ACAN: variants seen among roughly 807,000 people sequenced by gnomAD.
ACAN encodes the protein aggrecan core protein.
A neutral mutation model predicts 169.1 loss-of-function variants in ACAN; 47 were observed. The ratio of observed to expected loss-of-function variants is 0.28; its 90% confidence interval spans 0.22 to 0.35. ACAN has a LOEUF of 0.35. Ranked by LOEUF, ACAN falls within the 10% of genes least tolerant of loss-of-function variation. ACAN has a pLI of 1.00. For synonymous variants in ACAN, 1,115 were observed against 1,112.2 expected (o/e 1.00, Z -0.05); for missense variants, 2,716 against 2,759.9 (o/e 0.98, Z 0.36).
Position 88,874,123 on chromosome 15 carries a change from G to T in ACAN, c.7630+99G>T. 1 of 1,502,126 alleles carries T rather than the reference G, an allele frequency of 6.7e-7. No homozygotes were observed. 93.0% of individuals were successfully genotyped at this position (1,502,126 alleles called of 1,614,324 possible). A position where few individuals can be genotyped will look rare whatever the true frequency, so the allele number is the denominator to read the frequency against. ...TCCTGGGGACCCTACACCGTCCACA[G>T]GGTTGAGCAAGGGAAGGGAGGTCGG... is the stretch of plus-strand genomic sequence containing the variant. On this transcript the variant is annotated intron_variant, in intron 18 of 18. Transcript: ENST00000560601. This position sits in a 1 kb window ranked among gnomAD's most constrained non-coding sequence, Gnocchi z 7.3.
At position 88,841,794 on chromosome 15, in the gene ACAN, T is replaced by C; in HGVS notation, c.684T>C (p.Pro228=). 1 of 1,613,464 alleles carries C rather than the reference T, an allele frequency of 6.2e-7. No homozygotes were observed. Among genetic ancestry groups the C allele is most frequent in the East Asian group, 2.2e-5 (1 of 44,842 alleles). ...GCTATGGAGACAAGGATGAGTTTCCTGGTGTGAGGACGTATGGCATCCGAG... is the reference window on the plus strand; with the variant it reads ...GCTATGGAGACAAGGATGAGTTTCCCGGTGTGAGGACGTATGGCATCCGAG... The part of the protein sequence containing the change: ...EGCYGDKDEF[P]GVRTYGIRDT... The change falls in exon 5 of 19, where the codon CCT becomes CCC. Residue 228 remains proline, a synonymous_variant. Transcript: ENST00000560601.
rs374286796 is a variant in ACAN, at chr15:88,845,709, C to T, written c.1256C>T (p.Thr419Met). The change falls in exon 7 of 19, where the codon ACG becomes ATG. Residue 419 changes from threonine (T) to methionine (M), a missense_variant. By Grantham distance (81) the Thr-to-Met change is moderately conservative. Coordinates refer to ENST00000560601, the MANE Select transcript of ACAN (RefSeq NM_001369268.1). ...CCCCTGGAACCCGAGGAGCCCTTCA[C>T]GTTTGCCCCTGAAATAGGGGCCACT... ...PSPLEPEEPF[T>M]FAPEIGATAF... 1.0e-4 allele frequency: 163 copies of T among 1,613,864 alleles called. No individual in the cohort carries two copies. Among genetic ancestry groups the T allele is most frequent in the Non-Finnish European group, 1.3e-4 (152 of 1,179,892 alleles).
At position 88,857,214 on chromosome 15, in the gene ACAN, G is replaced by A. The variant is rs564415560; in HGVS notation, c.4629G>A (p.Gly1543=). 8.1e-6 allele frequency: 13 copies of A among 1,613,686 alleles called. No individual in the cohort carries two copies. In the African/African-American group the frequency reaches 1.2e-4, roughly 15 times the overall value. Residue 1543 remains glycine (G), a synonymous_variant, in exon 12 of 19, where the codon GGG becomes GGA. Transcript: ENST00000560601. ...TAGAGATTTCTGCCTCTGGATTTGGGGACCTCAGTGGACTTCCTTCTGGAG... is the reference window on the plus strand; with the variant it reads ...TAGAGATTTCTGCCTCTGGATTTGGAGACCTCAGTGGACTTCCTTCTGGAG... ...EVLEISASGF[G]DLSGLPSGGE...
chr15:88,830,612 GTATCTAAACC>G (rs1420858824), intron 1 of ACAN, among the ~76,000 whole-genome samples: 1 of 151,998 alleles, frequency 6.6e-6, no homozygotes, highest in African/African-American at 2.4e-5. Context: ...TTCCCTCTGT[GTATCTAAACC>G]TATCTAAACC....
chr15:88,840,420 T>A (rs2141567808), intron 4 of ACAN, among the ~76,000 whole-genome samples: 1 of 152,352 alleles, frequency 6.6e-6, no homozygotes, highest in East Asian at 1.9e-4. Context: ...CTAGCAACCT[T>A]GCCCTACATG....
Position 88,874,160 on chromosome 15 carries a change from G to A in ACAN, c.7630+136G>A. On this transcript the variant is annotated intron_variant, in intron 18 of 18. Transcript: ENST00000560601. This position sits in a 1 kb window ranked among gnomAD's most constrained non-coding sequence, Gnocchi z 7.3. The stretch of plus-strand genomic sequence containing the variant: ...GGAAGGGAGGTCGGGGGGCTGCTCA[G>A]TCACAAATAGCTGACCACTGCCCTT... 2 of 1,256,588 alleles carry A rather than the reference G, an allele frequency of 1.6e-6. No individual in the cohort carries two copies. The highest frequency in any genetic ancestry group is 2.2e-6 in the Non-Finnish European group (2 of 893,950). 77.8% of individuals were successfully genotyped at this position (1,256,588 alleles called of 1,614,324 possible).
rs1391473272 is a variant in ACAN, at chr15:88,839,409, C to T, written c.454+363C>T. Among the ~76,000 whole-genome samples the T allele has an allele frequency of 6.6e-6, 1 of 152,198 alleles. No individual in the cohort carries two copies. Among genetic ancestry groups the T allele is most frequent in the African/African-American group, 2.4e-5 (1 of 41,450 alleles). ...TCAGAGCAGTCTCCTGACAGTTCAT[C>T]CTGGTGTCTTTTCCCTCCCCCTCTC... On this transcript the variant is annotated intron_variant, in intron 3 of 18. Coordinates refer to ENST00000560601, the MANE Select transcript of ACAN (RefSeq NM_001369268.1). This position sits in a 1 kb window ranked among gnomAD's most constrained non-coding sequence, Gnocchi z 4.5.
chr15:88,817,885 G>A (rs1596115534), intron 1 of ACAN, among the ~76,000 whole-genome samples: 11 of 146,220 alleles, frequency 7.5e-5, no homozygotes, highest in African/African-American at 7.6e-5. Flanking sequence ...AAAGGGAAAA[G>A]GAAAAAAAAG....
chr15:88,854,950 C>A lies in ACAN; in HGVS notation c.2365C>A (p.Pro789Thr). ...EVPSASEEPSPSEVPFPSEEP... is the reference protein window; with the variant it reads ...EVPSASEEPSTSEVPFPSEEP... ...GCCCTCTGCCTCAGAGGAACCATCC[C>A]CCTCAGAGGTGCCATTCCCCTCAGA... Residue 789 changes from proline (P) to threonine (T), a missense_variant, in exon 12 of 19, where the codon CCC becomes ACC. Physicochemically the swap from Pro to Thr is conservative, Grantham distance 38. Transcript: ENST00000560601. The A allele has an allele frequency of 6.3e-7, 1 of 1,595,646 alleles. No homozygotes were observed. Among genetic ancestry groups the A allele is most frequent in the East Asian group, 2.3e-5 (1 of 44,330 alleles).
At chr15:88,806,019 G>A (rs764659109) in intron 1 of ACAN, among the ~76,000 whole-genome samples, 39 of 152,192 alleles carry the variant, frequency 2.6e-4, no homozygotes, top group Non-Finnish European at 5.3e-4. Context: ...AGCCAGGAGG[G>A]TGGACAGCCT....
At position 88,857,278 on chromosome 15, in the gene ACAN, G is replaced by T; in HGVS notation, c.4693G>T (p.Asp1565Tyr). 1 of 1,613,566 alleles carries T rather than the reference G, an allele frequency of 6.2e-7. No individual in the cohort carries two copies. Among genetic ancestry groups the T allele is most frequent in the Non-Finnish European group, 8.5e-7 (1 of 1,179,814 alleles). ...LETSASEVGT[D>Y]LSGLPSGREG... ...GACCTCTGCTTCTGAAGTAGGGACT[G>T]ACCTCAGTGGGCTTCCTTCTGGAAG... Residue 1565 changes from aspartate to tyrosine, a missense_variant, in exon 12 of 19, where the codon GAC (aspartate) becomes TAC (tyrosine). Physicochemically the swap from Asp to Tyr is radical, Grantham distance 160 (BLOSUM62 -3). Coordinates refer to ENST00000560601, the MANE Select transcript of ACAN (RefSeq NM_001369268.1).
At chr15:88,830,012 G>A (rs1296145644) in intron 1 of ACAN, among the ~76,000 whole-genome samples, 1 of 152,194 alleles carries the variant, frequency 6.6e-6, no homozygotes, top group East Asian at 1.9e-4. Context: ...CCAGGGCCAA[G>A]GCCTGGTGAG....
rs781293736 is a variant in ACAN at position 88,857,967 on chromosome 15, T to C, written c.5382T>C (p.Asp1794=). ...DLSGETSGVP[D]LSGQPSGLPG... The stretch of plus-strand genomic sequence containing the variant: ...GTGGAGAAACATCTGGGGTCCCTGA[T>C]CTCAGTGGGCAGCCTTCAGGGTTAC... The change falls in exon 12 of 19, where the codon GAT becomes GAC. Residue 1794 remains aspartate (D), a synonymous_variant. Coordinates refer to ENST00000560601, the MANE Select transcript of ACAN (RefSeq NM_001369268.1). The C allele has an allele frequency of 9.8e-5, 158 of 1,613,854 alleles. No homozygotes were observed. Among genetic ancestry groups the C allele is most frequent in the South Asian group, 3.1e-4 (28 of 91,058 alleles).
chr15:88,863,620 C>A (rs1167883303), intron 13 of ACAN, among the ~76,000 whole-genome samples: 1 of 152,168 alleles, frequency 6.6e-6, no homozygotes. Context: ...TAGGAGGGCA[C>A]GACCTTAAAC....
intron 1 of ACAN, among the ~76,000 whole-genome samples, chr15:88,825,784 C>T (rs1896201414): frequency 6.6e-6 from 1 of 152,198 alleles, no homozygotes; most frequent in South Asian, 2.1e-4. Context: ...CCCCAGCCTG[C>T]TCCTTCCACT....
chr15:88,870,210 C>T lies in ACAN; in HGVS notation c.7061-1172C>T, dbSNP rs1179638133. 6.6e-6 allele frequency among the ~76,000 whole-genome samples: 1 copy of T among 152,178 alleles called. No homozygotes were observed. The highest frequency in any genetic ancestry group is 1.5e-5 in the Non-Finnish European group (1 of 68,034). On this transcript the variant is annotated intron_variant, in intron 14 of 18. Coordinates refer to ENST00000560601, the MANE Select transcript of ACAN (RefSeq NM_001369268.1). The surrounding 1 kb of genome is among the most constrained non-coding windows in gnomAD (Gnocchi z 6.3). ...ACTGTCCCCAACTGTCTCTCCCCCA[C>T]TTTGCCAAGCATCCACCCCTTCAGC...
At chr15:88,865,520 C>T (rs1006346284) in intron 13 of ACAN, among the ~76,000 whole-genome samples, 1 of 152,208 alleles carries the variant, frequency 6.6e-6, no homozygotes. Context: ...TGACGTCTTG[C>T]CACCTGGCCA....
At position 88,868,989 on chromosome 15, in the gene ACAN, A is replaced by C. The variant is rs1897325281; in HGVS notation, c.7060+660A>C. On this transcript the variant is annotated intron_variant, in intron 14 of 18. Transcript: ENST00000560601. The surrounding 1 kb of genome is among the most constrained non-coding windows in gnomAD (Gnocchi z 5.2). ...AAGGCAAAGGGTGGCCAGAGAGAAC[A>C]GAACTGTGTTACAAGGGGGAGGACT... Among the ~76,000 whole-genome samples the C allele has an allele frequency of 6.6e-6, 1 of 152,204 alleles. No individual in the cohort carries two copies. The highest frequency in any genetic ancestry group is 2.4e-5 in the African/African-American group (1 of 41,458).
At position 88,874,057 on chromosome 15, in the gene ACAN, AG is replaced by A; in HGVS notation, c.7630+36del. ...TCACCCCGGCCATCTCGCTGAGCAC[AG>A]GGTTAGATTCTGCCAGCACAGCCTT... On this transcript the variant is annotated intron_variant, in intron 18 of 18. Transcript: ENST00000560601. The surrounding 1 kb of genome is among the most constrained non-coding windows in gnomAD (Gnocchi z 7.3). 1 of 1,603,224 alleles carries A rather than the reference AG, an allele frequency of 6.2e-7. No homozygotes were observed. Among genetic ancestry groups the A allele is most frequent in the South Asian group, 1.1e-5 (1 of 90,868 alleles).
Sources: allele counts gnomAD v4.1 joint callset (sites outside exome capture counted in the v4.1 genomes callset), GRCh38; gene constraint gnomAD v4.1.1; non-coding constraint Gnocchi (gnomAD v3.1); transcripts MANE v1.5; gene names NCBI Gene and HGNC (gene_info 2026-07-23, HGNC 2026-07-21).